Variants in SGCD observed in about 807,000 individuals in gnomAD.
SGCD encodes the protein sarcoglycan delta, also known as delta-sarcoglycan.
SGCD carries 18 observed loss-of-function variants against 36.6 expected under a neutral mutation model. The ratio of observed to expected loss-of-function variants is 0.49; its 90% CI spans 0.34 to 0.73. SGCD has a LOEUF of 0.73. Among genes scored for constraint, SGCD ranks in the 30% least tolerant of loss-of-function variants. SGCD has a pLI of 0.01. For synonymous variants in SGCD, 133 were observed against 130.6 expected, an observed-to-expected ratio of 1.02 and a Z score of -0.12; for missense variants, 387 against 346.7, an observed-to-expected ratio of 1.12 and a Z score of -0.92.
At chr5:156,475,266 T>A (rs1755130884) in intron 3 of SGCD, among the ~76,000 whole-genome samples, 1 of 152,226 alleles carries the variant, frequency 6.6e-6, no homozygotes, top group Non-Finnish European at 1.5e-5. Flanking sequence ...GTCTTTCAGC[T>A]GCAGCCACCA....
At chr5:155,754,081 T>G in the SGCD span, among the ~76,000 whole-genome samples, 1 of 152,144 alleles carries the variant, frequency 6.6e-6, no homozygotes, top group Non-Finnish European at 1.5e-5. Context: ...GAGAAAATAC[T>G]CATTGAAATG....
chr5:156,115,162 TTC>T (rs1761879991), intron 1 of SGCD, among the ~76,000 whole-genome samples: 2 of 152,092 alleles, frequency 1.3e-5, no homozygotes. Flanking sequence ...ACTTTTTAAT[TTC>T]TGTTTGTAAG....
rs181725459 is a variant in SGCD at position 155,918,952 on chromosome 5, G to C, written c.-282+48528G>C. 5.3e-5 allele frequency among the ~76,000 whole-genome samples: 8 copies of C among 152,328 alleles called. No homozygotes were observed. The East Asian group carries it at 1.5e-3, about 29-fold the overall frequency. ...TACTTTAAGAGGTAAAGAGAGGAAG[G>C]CTGAAAATGGTTCCTGCAAAAAGCT... On this transcript the variant is annotated intron_variant, in intron 1 of 9. Transcript: ENST00000517913.
At chr5:156,005,859 C>G (rs1309646481) in intron 1 of SGCD, among the ~76,000 whole-genome samples, 1 of 152,170 alleles carries the variant, frequency 6.6e-6, no homozygotes, top group Non-Finnish European at 1.5e-5. Context: ...GGTGGCAACC[C>G]TCTGATATTT....
At chr5:156,405,455 T>G (rs1168234904) in intron 3 of SGCD, among the ~76,000 whole-genome samples, 1 of 152,224 alleles carries the variant, frequency 6.6e-6, no homozygotes, top group Non-Finnish European at 1.5e-5. Context: ...AAACAAAATC[T>G]TCCTTATTTA....
chr5:155,847,139 A>G, the SGCD span, among the ~76,000 whole-genome samples: 1 of 152,188 alleles, frequency 6.6e-6, no homozygotes, highest in Non-Finnish European at 1.5e-5. Flanking sequence ...GTGTATGCAC[A>G]TGAATGGGTA....
intron 3 of SGCD, among the ~76,000 whole-genome samples, chr5:156,145,256 G>C (rs906826570): frequency 6.6e-6 from 1 of 152,090 alleles, no homozygotes; most frequent in South Asian, 2.1e-4. Flanking sequence ...ATTTCCTACT[G>C]CTCCAGCCAT....
chr5:156,717,404 TTGG>T (rs1241360090), intron 7 of SGCD, among the ~76,000 whole-genome samples: 1 of 152,216 alleles, frequency 6.6e-6, no homozygotes, highest in Non-Finnish European at 1.5e-5. Context: ...CCCTCATGCC[TTGG>T]TGGTCTTGTA....
the SGCD span, among the ~76,000 whole-genome samples, chr5:155,759,345 C>T: frequency 1.3e-5 from 2 of 152,214 alleles, no homozygotes; most frequent in Non-Finnish European, 1.5e-5. Context: ...CCTTCTCTCT[C>T]TCTCACCACC....
intron 6 of SGCD, among the ~76,000 whole-genome samples, chr5:156,605,979 C>T (rs1195125709): frequency 2.0e-5 from 3 of 152,080 alleles, no homozygotes; most frequent in Admixed American, 2.0e-4. Context: ...CAAATATTTT[C>T]ACCCATTCTG....
At chr5:156,585,397 C>T (rs1431393252) in intron 4 of SGCD, among the ~76,000 whole-genome samples, 1 of 152,124 alleles carries the variant, frequency 6.6e-6, no homozygotes, top group Admixed American at 6.6e-5. Flanking sequence ...TATTTGATGC[C>T]TGCTGAAGAA....
At chr5:156,558,902 A>T (rs982898590) in intron 4 of SGCD, among the ~76,000 whole-genome samples, 1 of 152,128 alleles carries the variant, frequency 6.6e-6, no homozygotes, top group African/African-American at 2.4e-5. Context: ...ACCTGAGAAA[A>T]GTTCTATACT....
At chr5:156,552,830 T>C (rs1413169887) in intron 4 of SGCD, among the ~76,000 whole-genome samples, 2 of 152,186 alleles carry the variant, frequency 1.3e-5, no homozygotes, top group African/African-American at 4.8e-5. Context: ...CAGAATACCT[T>C]TTCATCCATT....
At chr5:156,216,725 A>C (rs1218180978) in intron 3 of SGCD, among the ~76,000 whole-genome samples, 1 of 152,240 alleles carries the variant, frequency 6.6e-6, no homozygotes, top group Non-Finnish European at 1.5e-5. Context: ...ATATTTTGAG[A>C]AAATATAGGA....
chr5:156,525,271 A>G (rs1186184883), intron 4 of SGCD, among the ~76,000 whole-genome samples: 1 of 152,086 alleles, frequency 6.6e-6, no homozygotes, highest in Non-Finnish European at 1.5e-5. Flanking sequence ...CATTCTAAAA[A>G]GGGTGAGGTC....
chr5:156,638,660 C>T (rs1214709587), intron 6 of SGCD, among the ~76,000 whole-genome samples: 2 of 152,032 alleles, frequency 1.3e-5, no homozygotes, highest in Admixed American at 6.6e-5. Context: ...ACGATGTACT[C>T]ATAAGAAACT....
At chr5:156,594,896 C>T (rs568595912) in intron 5 of SGCD, 36 bp from the exon 6 acceptor site, 4 of 1,410,078 alleles carry the variant, frequency 2.8e-6, no homozygotes, top group Non-Finnish European at 4.0e-6. Context: ...TCTCTCCTCT[C>T]TCCTCTCTAT....
At chr5:156,696,870 T>C (rs1754335714) in intron 7 of SGCD, among the ~76,000 whole-genome samples, 1 of 151,766 alleles carries the variant, frequency 6.6e-6, no homozygotes, top group Non-Finnish European at 1.5e-5. Context: ...TCTATTATTC[T>C]AAGATCTCTT....
chr5:156,425,519 C>G (rs751053007), intron 3 of SGCD, among the ~76,000 whole-genome samples: 1 of 151,912 alleles, frequency 6.6e-6, no homozygotes, highest in Non-Finnish European at 1.5e-5. Context: ...TTGCTACAGT[C>G]CTGAGAAAGG....
Sources: allele counts gnomAD v4.1 joint callset (sites outside exome capture counted in the v4.1 genomes callset), GRCh38; gene constraint gnomAD v4.1.1; transcripts MANE v1.5; gene names NCBI Gene and HGNC (gene_info 2026-07-23, HGNC 2026-07-21).